Variants in PNOC observed in about 807,000 individuals in gnomAD.
The protein encoded by PNOC is nociceptin.
Under a neutral mutation model 15.6 loss-of-function variants are expected in PNOC, and 10 were observed. The ratio of observed to expected loss-of-function variants is 0.64; its 90% CI spans 0.40 to 1.09. The LOEUF is 1.09. PNOC is among the 50% of genes least tolerant of loss of function. The pLI, the probability that PNOC is intolerant of heterozygous loss-of-function variation, is 0.01. For synonymous variants in PNOC, 98 were observed against 88.5 expected, an observed-to-expected ratio of 1.11 and a Z score of -0.60; for missense variants, 220 against 223.9, an observed-to-expected ratio of 0.98 and a Z score of 0.11.
chr8:28,317,573 G>T (rs117910773), intron 1 of PNOC, among the ~76,000 whole-genome samples: 1 of 152,184 alleles, frequency 6.6e-6, no homozygotes, highest in Non-Finnish European at 1.5e-5. Flanking sequence ...ACTTGGAAAT[G>T]AGGAAAAGTT....
rs573532332 is a variant in PNOC at position 28,329,333 on chromosome 8, C to T, written c.126+50C>T. On this transcript the variant is annotated intron_variant, in intron 2 of 3. Coordinates refer to ENST00000301908, the MANE Select transcript of PNOC (RefSeq NM_006228.5). Reference sequence around the variant, plus strand: ...AGGCTGTCCTCCTCCCTGACTACCTCCTCCCTCCCTACTCCAGAGCAGACT... The same window carrying T: ...AGGCTGTCCTCCTCCCTGACTACCTTCTCCCTCCCTACTCCAGAGCAGACT... The T allele has an allele frequency of 3.7e-5, 59 of 1,601,514 alleles. 1 individual carries two copies. In the South Asian group the frequency reaches 6.4e-4, roughly 17 times the overall value.
Position 28,330,391 on chromosome 8 carries a change from A to ATTTTT in PNOC, c.126+1112_126+1113insTTTTT, listed in dbSNP as rs200641227. The stretch of plus-strand genomic sequence containing the variant: ...ATTTTATTTTATTTTATTTTATTTT[A>ATTTTT]TTTTATTTTTTTTTTTTTTTTGAGA... On this transcript the variant is annotated intron_variant, in intron 2 of 3. Coordinates refer to ENST00000301908, the MANE Select transcript of PNOC (RefSeq NM_006228.5). Among the ~76,000 whole-genome samples the ATTTTT allele has an allele frequency of 3.8e-4, 29 of 76,070 alleles. 1 individual carries two copies. The highest frequency in any genetic ancestry group is 5.8e-4 in the Non-Finnish European group (20 of 34,540). 49.9% of individuals were successfully genotyped at this position (76,070 alleles called of 152,430 possible).
chr8:28,339,610 C>A, intron 3 of PNOC, 119 bp downstream of exon 3: 1 of 796,820 alleles, frequency 1.3e-6, no homozygotes, highest in Non-Finnish European at 1.8e-6. Flanking sequence ...TCCACACACA[C>A]ACACCCCGCA....
chr8:28,332,763 C>G (rs1801347952), intron 2 of PNOC, among the ~76,000 whole-genome samples: 1 of 152,088 alleles, frequency 6.6e-6, no homozygotes, highest in Non-Finnish European at 1.5e-5. Context: ...CCAGCCTGGC[C>G]AACAAGGCGA....
chr8:28,329,378 C>T (rs1377620553), intron 2 of PNOC, 95 bp downstream of exon 2: 8 of 1,403,522 alleles, frequency 5.7e-6, no homozygotes, highest in Admixed American at 1.8e-5. Context: ...AAGCCAAGGC[C>T]TCTCCCACAG....
At chr8:28,325,288 C>T (rs1490557607) in intron 1 of PNOC, among the ~76,000 whole-genome samples, 1 of 151,834 alleles carries the variant, frequency 6.6e-6, no homozygotes, top group Non-Finnish European at 1.5e-5. Context: ...AGGGATGATG[C>T]TAGAGGTGTG....
intron 2 of PNOC, among the ~76,000 whole-genome samples, chr8:28,335,817 C>T (rs565488113): frequency 1.2e-4 from 19 of 152,272 alleles, no homozygotes; most frequent in African/African-American, 4.1e-4. Context: ...GCATGAGCCA[C>T]TGCGCCTAGC....
At chr8:28,331,040 AAC>A (rs1801322725) in intron 2 of PNOC, among the ~76,000 whole-genome samples, 1 of 152,160 alleles carries the variant, frequency 6.6e-6, no homozygotes, top group South Asian at 2.1e-4. Context: ...CAGGGGGACT[AAC>A]ACACCCTGGT....
chr8:28,338,576 C>G, intron 2 of PNOC: 1 of 987,092 alleles, frequency 1.0e-6, no homozygotes. Context: ...TAAAATAAAC[C>G]TGCAGATTTG....
intron 2 of PNOC, among the ~76,000 whole-genome samples, chr8:28,336,370 G>A (rs1462379005): frequency 6.6e-6 from 1 of 152,244 alleles, no homozygotes; most frequent in African/African-American, 2.4e-5. Flanking sequence ...GCAGGAGAGA[G>A]TGATTCTTGC....
intron 1 of PNOC, among the ~76,000 whole-genome samples, chr8:28,325,672 G>GAAAAAAAAA (rs558412916): frequency 1.1e-5 from 1 of 94,476 alleles, no homozygotes; most frequent in Non-Finnish European, 2.5e-5. Flanking sequence ...AAAAGAAAAA[G>GAAAAAAAAA]AAAAAAAAAA....
chr8:28,328,532 G>T (rs1452287625), intron 1 of PNOC, among the ~76,000 whole-genome samples: 1 of 152,096 alleles, frequency 6.6e-6, no homozygotes, highest in Non-Finnish European at 1.5e-5. Context: ...GGGGGTTGGG[G>T]GCATTCCTGG....
At chr8:28,334,082 A>G (rs76523686) in intron 2 of PNOC, among the ~76,000 whole-genome samples, 13,023 of 137,790 alleles carry the variant, frequency 0.095, 629 homozygotes, top group Middle Eastern at 0.13. Flanking sequence ...ACACACACAC[A>G]CACACACCAG....
At chr8:28,336,897 G>T (rs1191995368) in intron 2 of PNOC, among the ~76,000 whole-genome samples, 5 of 151,914 alleles carry the variant, frequency 3.3e-5, no homozygotes, top group Non-Finnish European at 7.4e-5. Flanking sequence ...TATGCCCAGG[G>T]TTTGAAATCT....
chr8:28,329,614 CCAGT>C (rs776842793), intron 2 of PNOC, among the ~76,000 whole-genome samples: 8 of 152,148 alleles, frequency 5.3e-5, no homozygotes, highest in Non-Finnish European at 1.2e-4. Flanking sequence ...CTTAATTACA[CCAGT>C]CAGAGAAAGA....
intron 2 of PNOC, among the ~76,000 whole-genome samples, chr8:28,338,248 T>TG: frequency 6.6e-6 from 1 of 151,508 alleles, no homozygotes; most frequent in South Asian, 2.1e-4. Context: ...ACGTGGGAGG[T>TG]GGGGGGCCAA....
chr8:28,330,400 T>A (rs866083562), intron 2 of PNOC, among the ~76,000 whole-genome samples: 35 of 102,244 alleles, frequency 3.4e-4, no homozygotes, highest in South Asian at 1.9e-3. Flanking sequence ...TATTTTATTT[T>A]TTTTTTTTTT....
At chr8:28,331,814 C>T (rs1801334052) in intron 2 of PNOC, among the ~76,000 whole-genome samples, 1 of 152,222 alleles carries the variant, frequency 6.6e-6, no homozygotes, top group Admixed American at 6.5e-5. Flanking sequence ...AGGACTCTCT[C>T]TCCCCATATG....
intron 2 of PNOC, 63 bp downstream of exon 2, chr8:28,329,346 T>G (rs1055263871): frequency 3.1e-6 from 5 of 1,589,662 alleles, no homozygotes; most frequent in Non-Finnish European, 4.3e-6. Flanking sequence ...CCCTCCCTAC[T>G]CCAGAGCAGA....
Sources: gnomAD v4.1 joint callset for allele counts (sites outside exome capture counted in the v4.1 genomes callset) on GRCh38, gnomAD v4.1.1 for gene constraint, MANE v1.5 for transcripts, NCBI Gene and HGNC (gene_info 2026-07-23, HGNC 2026-07-21) for gene names.